The following NAALADL2 variants were observed in gnomAD, a reference collection of about 807,000 sequenced individuals.
The protein encoded by NAALADL2 is N-acetylated alpha-linked acidic dipeptidase like 2, also known as inactive N-acetylated-alpha-linked acidic dipeptidase-like protein 2.
In NAALADL2, 76 loss-of-function variants were observed where a neutral mutation model predicts 87.2. The observed-to-expected ratio is 0.87, with a 90% CI of 0.72 to 1.05. The LOEUF is 1.05. Ranked by LOEUF, NAALADL2 falls within the 50% of genes least tolerant of loss-of-function variation. The pLI, the probability that NAALADL2 is intolerant of heterozygous loss-of-function variation, is 0.00. For missense variants in NAALADL2, 1,089 were observed against 945.8 expected, an observed-to-expected ratio of 1.15 and a Z score of -1.99; for synonymous variants, 354 against 331.0, an observed-to-expected ratio of 1.07 and a Z score of -0.75.
intron 6 of NAALADL2, among the ~76,000 whole-genome samples, chr3:175,461,277 T>C (rs749784915): frequency 1.3e-5 from 2 of 152,074 alleles, no homozygotes; most frequent in Admixed American, 6.6e-5. Context: ...ATTCTTTAGA[T>C]AGACACAGAG....
chr3:175,312,167 C>G (rs1464726211), intron 4 of NAALADL2, among the ~76,000 whole-genome samples: 1 of 151,976 alleles, frequency 6.6e-6, no homozygotes, highest in Admixed American at 6.6e-5. Context: ...ATAGAAAAAC[C>G]ATCTGAAAAA....
intron 11 of NAALADL2, among the ~76,000 whole-genome samples, chr3:175,642,277 T>C (rs1364601592): frequency 1.3e-5 from 2 of 152,084 alleles, no homozygotes; most frequent in Non-Finnish European, 2.9e-5. Flanking sequence ...TGTGATTTGC[T>C]TTTTTACCCT....
intron 1 of NAALADL2, among the ~76,000 whole-genome samples, chr3:175,061,202 A>G (rs1713409609): frequency 6.6e-6 from 1 of 152,226 alleles, no homozygotes; most frequent in African/African-American, 2.4e-5. Context: ...TTAAAATGCC[A>G]GACAATATTA....
intron 5 of NAALADL2, among the ~76,000 whole-genome samples, chr3:175,420,029 A>G (rs1436106432): frequency 2.6e-5 from 4 of 151,988 alleles, no homozygotes. Flanking sequence ...CGTTGGCCTC[A>G]GTCTTCTCAG....
chr3:175,119,648 T>C (rs1344148355), intron 2 of NAALADL2, among the ~76,000 whole-genome samples: 1 of 147,568 alleles, frequency 6.8e-6, no homozygotes, highest in East Asian at 2.0e-4. Flanking sequence ...ATGTTTTTAG[T>C]TTGTTTAACT....
intron 9 of NAALADL2, among the ~76,000 whole-genome samples, chr3:175,519,668 A>T (rs900836701): frequency 1.1e-4 from 17 of 152,210 alleles, no homozygotes; most frequent in African/African-American, 4.1e-4. Flanking sequence ...GGTTAGAATG[A>T]CAAATAAAAT....
chr3:175,442,044 C>T (rs1306804799), intron 5 of NAALADL2, among the ~76,000 whole-genome samples: 1 of 152,076 alleles, frequency 6.6e-6, no homozygotes, highest in Non-Finnish European at 1.5e-5. Flanking sequence ...CAGATTCAAG[C>T]GATTGTCCTG....
chr3:174,769,017 A>T (rs1340849815), intron 3 of NAALADL2, among the ~76,000 whole-genome samples: 1 of 151,888 alleles, frequency 6.6e-6, no homozygotes, highest in African/African-American at 2.4e-5. Flanking sequence ...AATGGTTAAC[A>T]TTGATTTATT....
intron 10 of NAALADL2, among the ~76,000 whole-genome samples, chr3:175,599,200 G>T (rs1722634664): frequency 6.6e-6 from 1 of 152,006 alleles, no homozygotes; most frequent in Admixed American, 6.6e-5. Context: ...CAATTATGAA[G>T]AATTTTATTG....
chr3:175,148,186 C>T (rs909463452), intron 2 of NAALADL2, among the ~76,000 whole-genome samples: 7 of 150,258 alleles, frequency 4.7e-5, no homozygotes, highest in African/African-American at 1.2e-4. Context: ...TTTTGATTTG[C>T]GTTTCTCTGG....
intron 2 of NAALADL2, among the ~76,000 whole-genome samples, chr3:175,194,851 C>T (rs1418000156): frequency 1.3e-5 from 2 of 151,698 alleles, no homozygotes; most frequent in East Asian, 3.9e-4. Flanking sequence ...AGTATCAAAT[C>T]ATTTAATAAT....
intron 1 of NAALADL2, among the ~76,000 whole-genome samples, chr3:174,533,869 A>G (rs899492195): frequency 3.3e-5 from 5 of 152,214 alleles, no homozygotes; most frequent in Admixed American, 3.3e-4. Context: ...ACATTTGAGA[A>G]TAAGACATAC....
chr3:174,926,849 A>G (rs1456715943), intron 1 of NAALADL2, among the ~76,000 whole-genome samples: 1 of 152,202 alleles, frequency 6.6e-6, no homozygotes, highest in Non-Finnish European at 1.5e-5. Context: ...AAATTCACAC[A>G]TAACAATATG....
intron 2 of NAALADL2, among the ~76,000 whole-genome samples, chr3:175,142,617 T>TA (rs71624299): frequency 4.7e-5 from 7 of 150,340 alleles, no homozygotes; most frequent in South Asian, 2.1e-4. Context: ...CTTTTTTTTT[T>TA]AAAACATAGT....
intron 13 of NAALADL2, among the ~76,000 whole-genome samples, chr3:175,775,927 G>A (rs1750170835): frequency 6.6e-6 from 1 of 152,112 alleles, no homozygotes; most frequent in Admixed American, 6.6e-5. Flanking sequence ...TATTTTAACT[G>A]AGCCAGCTAC....
At chr3:175,121,346 TTG>T (rs1726128560) in intron 2 of NAALADL2, among the ~76,000 whole-genome samples, 1 of 151,800 alleles carries the variant, frequency 6.6e-6, no homozygotes, top group Non-Finnish European at 1.5e-5. Flanking sequence ...TACTTTACTG[TTG>T]TCCTTGGCTA....
chr3:174,627,178 T>TACTTCAAATAATAAATTACTTCAAA (rs1721655644), intron 2 of NAALADL2, among the ~76,000 whole-genome samples: 3 of 152,148 alleles, frequency 2.0e-5, no homozygotes, highest in Non-Finnish European at 4.4e-5. Flanking sequence ...AATGGAGCAG[T>TACTTCAAATAATAAATTACTTCAAA]GAATAAATTA....
intron 2 of NAALADL2, among the ~76,000 whole-genome samples, chr3:174,664,619 C>T (rs1725800735): frequency 6.6e-6 from 1 of 152,164 alleles, no homozygotes; most frequent in Non-Finnish European, 1.5e-5. Flanking sequence ...TACATACCTA[C>T]ATATGTTGTA....
At chr3:175,512,066 A>AC (rs963188095) in intron 9 of NAALADL2, among the ~76,000 whole-genome samples, 1 of 151,934 alleles carries the variant, frequency 6.6e-6, no homozygotes, top group Non-Finnish European at 1.5e-5. Context: ...ACATAGTGTG[A>AC]CCCCCATCTC....
Sources: allele counts gnomAD v4.1 joint callset (sites outside exome capture counted in the v4.1 genomes callset), GRCh38; gene constraint gnomAD v4.1.1; transcripts MANE v1.5; gene names NCBI Gene and HGNC (gene_info 2026-07-23, HGNC 2026-07-21).